CCDC141: variants seen among roughly 807,000 people sequenced by gnomAD.
CCDC141 encodes coiled-coil domain containing 141.
A neutral mutation model predicts 181.0 loss-of-function variants in CCDC141; 168 were observed. The observed-to-expected ratio is 0.93, with a 90% CI of 0.82 to 1.05. The LOEUF (loss-of-function observed/expected upper bound fraction) is 1.05. Ranked by LOEUF, CCDC141 falls within the 50% of genes least tolerant of loss-of-function variation. CCDC141 has a pLI of 0.00. For synonymous variants in CCDC141, 666 were observed against 642.3 expected, an observed-to-expected ratio of 1.04 and a Z score of -0.56; for missense variants, 1,902 against 1,788.5, an observed-to-expected ratio of 1.06 and a Z score of -1.14.
At chr2:179,049,265 C>T (rs1443632895) in intron 1 of CCDC141, among the ~76,000 whole-genome samples, 1 of 152,212 alleles carries the variant, frequency 6.6e-6, no homozygotes, top group African/African-American at 2.4e-5. Flanking sequence ...TTGTACCTTT[C>T]CTTGCATGGT....
At chr2:178,980,599 C>T (rs147993526) in intron 2 of CCDC141, among the ~76,000 whole-genome samples, 2 of 152,096 alleles carry the variant, frequency 1.3e-5, no homozygotes, top group Admixed American at 6.5e-5. Flanking sequence ...TTTTTACGTG[C>T]CCTTGCTCTA....
intron 4 of CCDC141, among the ~76,000 whole-genome samples, chr2:178,969,150 C>G (rs1025269790): frequency 7.0e-6 from 1 of 143,504 alleles, no homozygotes; most frequent in Non-Finnish European, 1.5e-5. Flanking sequence ...CAGACGGATT[C>G]ACAGCTGAAT....
intron 7 of CCDC141, among the ~76,000 whole-genome samples, chr2:178,908,115 A>G (rs1176743735): frequency 6.6e-6 from 1 of 152,218 alleles, no homozygotes; most frequent in African/African-American, 2.4e-5. Flanking sequence ...ACTGTTTCTG[A>G]ACATTTTAAA....
At chr2:178,854,713 T>A (rs887705652) in intron 19 of CCDC141, among the ~76,000 whole-genome samples, 1 of 152,154 alleles carries the variant, frequency 6.6e-6, no homozygotes, top group African/African-American at 2.4e-5. Context: ...CTTAATCTGG[T>A]GTTAAATCTA....
intron 22 of CCDC141, among the ~76,000 whole-genome samples, chr2:178,838,793 T>C (rs1235885791): frequency 2.6e-5 from 4 of 152,060 alleles, no homozygotes; most frequent in African/African-American, 7.2e-5. Context: ...CTGCTAGGAG[T>C]GGTGAGTAGC....
Position 178,918,831 on chromosome 2 carries a change from T to C in CCDC141, c.974A>G (p.Glu325Gly). The C allele has an allele frequency of 6.4e-7, 1 of 1,550,612 alleles. No homozygotes were observed. The highest frequency in any genetic ancestry group is 2.4e-5 in the East Asian group (1 of 40,924). Residue 325 changes from glutamate to glycine, a missense_variant, in exon 7 of 24, where the codon GAA (glutamate) becomes GGA (glycine). Transcript: ENST00000443758. The stretch of plus-strand genomic sequence containing the variant: ...TTTCTGGTGAGAGAGCTGGAGGTGT[T>C]CTTTCTCCACGTAGTCCTTTGACAG... The part of the protein sequence containing the change: ...ILLSKDYVEK[E>G]HLQLSHQKLS...
At chr2:178,823,554 T>C in the CCDC141 span, among the ~76,000 whole-genome samples, 1 of 152,228 alleles carries the variant, frequency 6.6e-6, no homozygotes, top group Non-Finnish European at 1.5e-5. Flanking sequence ...AGTACTTTTA[T>C]GGAAGCTTGA....
chr2:178,827,877 C>T (rs906299967), downstream of CCDC141, among the ~76,000 whole-genome samples: 3 of 152,140 alleles, frequency 2.0e-5, no homozygotes, highest in Non-Finnish European at 4.4e-5. Context: ...TCCAAAAGTC[C>T]AAAGTCTAAG....
intron 2 of CCDC141, among the ~76,000 whole-genome samples, chr2:179,029,025 G>A (rs753938566): frequency 4.6e-5 from 7 of 152,122 alleles, no homozygotes; most frequent in Non-Finnish European, 8.8e-5. Flanking sequence ...CCATAACAAT[G>A]TAGCCTCATC....
rs1274254386 is a variant in CCDC141 at position 178,832,474 on chromosome 2, AAAAAAAAAAC to A, written c.*1689_*1698del. 4 of 147,998 alleles carry A rather than the reference AAAAAAAAAAC, an allele frequency of 2.7e-5. No individual in the cohort carries two copies. Among genetic ancestry groups the A allele is most frequent in the Non-Finnish European group, 4.5e-5 (3 of 67,386 alleles). The allele number at this position is 147,998 out of a possible 1,614,324, so 9.2% of individuals were successfully genotyped here. A position where few individuals can be genotyped will look rare whatever the true frequency, so the allele number is the denominator to read the frequency against. Reference sequence around the variant, plus strand: ...GAGCAAGACTCTTTCTCAAAAAAAAAAAAAAAAAACAAAAAAAACAAAAAAAAGATAGTTA... The same window carrying A: ...GAGCAAGACTCTTTCTCAAAAAAAAAAAAAAAAACAAAAAAAAGATAGTTA... On this transcript the variant is annotated 3_prime_UTR_variant, in exon 24 of 24. Coordinates refer to ENST00000443758, the MANE Select transcript of CCDC141 (RefSeq NM_173648.4).
intron 23 of CCDC141, among the ~76,000 whole-genome samples, chr2:178,835,033 C>T (rs999394970): frequency 2.0e-5 from 3 of 152,028 alleles, no homozygotes; most frequent in Non-Finnish European, 4.4e-5. Context: ...CAAAGCAGAC[C>T]ATTTGGTCAC....
At chr2:178,897,058 G>C (rs982557655) in intron 8 of CCDC141, among the ~76,000 whole-genome samples, 2 of 151,882 alleles carry the variant, frequency 1.3e-5, no homozygotes, top group African/African-American at 4.8e-5. Flanking sequence ...GCTGCTTGCA[G>C]GGTAGCCCCC....
At chr2:178,834,948 T>C (rs1684417823) in intron 23 of CCDC141, among the ~76,000 whole-genome samples, 1 of 151,928 alleles carries the variant, frequency 6.6e-6, no homozygotes, top group Non-Finnish European at 1.5e-5. Flanking sequence ...CTGAATTTTT[T>C]GAAATCCTTT....
At chr2:178,956,687 T>C (rs960442864) in intron 5 of CCDC141, among the ~76,000 whole-genome samples, 5 of 152,230 alleles carry the variant, frequency 3.3e-5, no homozygotes, top group African/African-American at 1.2e-4. Context: ...GTTCTTATTA[T>C]AGTTAATTTT....
intron 2 of CCDC141, among the ~76,000 whole-genome samples, chr2:178,982,416 T>C (rs986123046): frequency 1.3e-5 from 2 of 152,104 alleles, no homozygotes; most frequent in African/African-American, 2.4e-5. Context: ...GACTTGTACA[T>C]TGAAAACTAA....
In CCDC141 at chr2:178,836,919, C is replaced by T; in HGVS notation, c.4300G>A (p.Gly1434Arg). 6.2e-7 allele frequency: 1 copy of T among 1,612,490 alleles called. No homozygotes were observed. The highest frequency in any genetic ancestry group is 1.1e-5 in the South Asian group (1 of 90,728). Reference protein sequence around the residue: ...SPVTLEVEVTGFPEPTLTWYK... With the variant: ...SPVTLEVEVTRFPEPTLTWYK... ...CATGTCAGTGTAGGCTCTGGAAATC[C>T]TGTTACTTCAACTTCCAAAGTCACT... The change falls in exon 23 of 24, where the codon GGA (glycine) becomes AGA (arginine). Residue 1434 changes from glycine (G) to arginine (R), a missense_variant. Transcript: ENST00000443758.
chr2:178,869,368 C>A, intron 14 of CCDC141, 63 bp from the exon 15 acceptor site: 1 of 1,187,194 alleles, frequency 8.4e-7, no homozygotes, highest in South Asian at 1.6e-5. Flanking sequence ...TTACAACTGA[C>A]AATATAAAGG....
At chr2:178,839,412 CA>C (rs35187942) in intron 22 of CCDC141, among the ~76,000 whole-genome samples, 24,816 of 129,606 alleles carry the variant, frequency 0.19, 2,238 homozygotes, top group Middle Eastern at 0.23. Context: ...GACTCTGTCT[CA>C]AAAAAAAAAA....
intron 8 of CCDC141, among the ~76,000 whole-genome samples, chr2:178,902,483 C>A (rs1224854838): frequency 1.3e-5 from 2 of 152,126 alleles, no homozygotes; most frequent in African/African-American, 4.8e-5. Flanking sequence ...TTTGACAAAC[C>A]TGGCAAAAAC....
Sources: gnomAD v4.1 joint callset for allele counts (sites outside exome capture counted in the v4.1 genomes callset) on GRCh38, gnomAD v4.1.1 for gene constraint, MANE v1.5 for transcripts, NCBI Gene and HGNC (gene_info 2026-07-23, HGNC 2026-07-21) for gene names.